Variants in RNF38 observed in about 807,000 individuals in gnomAD.
RNF38 encodes E3 ubiquitin-protein ligase RNF38.
In RNF38, 15 loss-of-function variants were observed where a neutral mutation model predicts 67.2. The observed-to-expected ratio is 0.22, with a 90% CI of 0.15 to 0.34. The LOEUF (loss-of-function observed/expected upper bound fraction) is 0.34. Among genes scored for constraint, RNF38 ranks in the 10% least tolerant of loss-of-function variants. The pLI, the probability that RNF38 is intolerant of heterozygous loss-of-function variation, is 1.00. For synonymous variants in RNF38, 220 were observed against 218.8 expected, an observed-to-expected ratio of 1.01 and a Z score of -0.05; for missense variants, 524 against 639.9, an observed-to-expected ratio of 0.82 and a Z score of 1.95.
chr9:36,456,161 C>T (rs1265269123), intron 1 of RNF38, among the ~76,000 whole-genome samples: 2 of 152,140 alleles, frequency 1.3e-5, no homozygotes, highest in Non-Finnish European at 2.9e-5. Context: ...CCTGCCTCAG[C>T]AATTCTCCTT....
Position 36,364,922 on chromosome 9 carries a change from A to T in RNF38, c.570+4797T>A, listed in dbSNP as rs570557404. On this transcript the variant is annotated intron_variant, in intron 4 of 11. Transcript: ENST00000259605. ...AATAATTGGTCTAGACCTTAAGACCAGGGTGTCAGTGGGCCAATTATTTCT... is the reference window on the plus strand; with the variant it reads ...AATAATTGGTCTAGACCTTAAGACCTGGGTGTCAGTGGGCCAATTATTTCT... 5.9e-5 allele frequency among the ~76,000 whole-genome samples: 9 copies of T among 152,346 alleles called. No individual in the cohort carries two copies. The South Asian group carries it at 1.9e-3, about 32-fold the overall frequency.
At chr9:36,380,263 G>C (rs957426658) in intron 2 of RNF38, among the ~76,000 whole-genome samples, 9 of 152,300 alleles carry the variant, frequency 5.9e-5, no homozygotes, top group African/African-American at 1.9e-4. Flanking sequence ...GCAATGGCAG[G>C]ATCTCGGCTC....
At chr9:36,408,445 A>G (rs1162295373) in intron 2 of RNF38, among the ~76,000 whole-genome samples, 1 of 152,170 alleles carries the variant, frequency 6.6e-6, no homozygotes, top group Non-Finnish European at 1.5e-5. Context: ...TACGCCAAGC[A>G]TCAGGAAGAG....
intron 4 of RNF38, among the ~76,000 whole-genome samples, chr9:36,368,868 A>C (rs1369877924): frequency 6.6e-6 from 1 of 151,908 alleles, no homozygotes; most frequent in East Asian, 1.9e-4. Context: ...TTTTATAAGG[A>C]CATGCTTAGA....
At chr9:36,484,740 G>A (rs1240362514) in intron 1 of RNF38, among the ~76,000 whole-genome samples, 7 of 152,104 alleles carry the variant, frequency 4.6e-5, no homozygotes, top group Non-Finnish European at 1.0e-4. Context: ...TTTTACACAC[G>A]TGAAACGATT....
At chr9:36,452,228 A>C (rs1275418379) in intron 1 of RNF38, among the ~76,000 whole-genome samples, 1 of 151,986 alleles carries the variant, frequency 6.6e-6, no homozygotes, top group Non-Finnish European at 1.5e-5. Flanking sequence ...GATGTCTTTA[A>C]AAAAACTTTA....
intron 1 of RNF38, among the ~76,000 whole-genome samples, chr9:36,441,476 G>A (rs551002004): frequency 3.3e-5 from 5 of 152,004 alleles, no homozygotes; most frequent in South Asian, 2.1e-4. Flanking sequence ...ACAGGCACGC[G>A]CCACCATGCC....
At chr9:36,400,732 C>G, upstream of RNF38, 1 of 985,680 alleles carries the variant, frequency 1.0e-6, no homozygotes, top group Non-Finnish European at 1.2e-6. Context: ...TCCTTCCTCC[C>G]GGCACCATCA....
intron 3 of RNF38, among the ~76,000 whole-genome samples, 176 bp downstream of exon 3, chr9:36,375,757 AT>A (rs1336348901): frequency 6.6e-6 from 1 of 152,222 alleles, no homozygotes; most frequent in Non-Finnish European, 1.5e-5. Flanking sequence ...GATAAGCTAA[AT>A]AAACTCTTCT....
chr9:36,410,009 A>T (rs1366856708), intron 2 of RNF38, among the ~76,000 whole-genome samples: 1 of 152,204 alleles, frequency 6.6e-6, no homozygotes, highest in Non-Finnish European at 1.5e-5. Flanking sequence ...AAATAAAACA[A>T]AATAAACTTA....
chr9:36,462,836 G>A (rs761198808), intron 1 of RNF38, among the ~76,000 whole-genome samples: 1 of 152,044 alleles, frequency 6.6e-6, no homozygotes, highest in Middle Eastern at 3.4e-3. Context: ...CACCACACCT[G>A]GCTAATATTT....
rs1284615949 is a variant in RNF38 at position 36,337,062 on chromosome 9, T to C, written c.*2690A>G. The C allele has an allele frequency of 6.6e-6, 1 of 152,168 alleles. No individual in the cohort carries two copies. The highest frequency in any genetic ancestry group is 1.9e-4 in the East Asian group (1 of 5,202). The allele number at this position is 152,168 out of a possible 1,614,324, so 9.4% of individuals were successfully genotyped here. A position where few individuals can be genotyped will look rare whatever the true frequency, so the allele number is the denominator to read the frequency against. On this transcript the variant is annotated 3_prime_UTR_variant, in exon 12 of 12. Transcript: ENST00000259605. ...CAAAAAACCCACAGCTGAGTTAAGA[T>C]GGTAAAGCCAATATTATTTTAGGAG...
chr9:36,368,857 T>A lies in RNF38; in HGVS notation c.570+862A>T, dbSNP rs78829065. On this transcript the variant is annotated intron_variant, in intron 4 of 11. Transcript: ENST00000259605. ...CCCCCTTATCCTTAAAATCCAGCAATTTTTATAAGGACATGCTTAGACACA... is the reference window on the plus strand; with the variant it reads ...CCCCCTTATCCTTAAAATCCAGCAAATTTTATAAGGACATGCTTAGACACA... Among the ~76,000 whole-genome samples the A allele has an allele frequency of 2.6e-4, 39 of 152,222 alleles. No homozygotes were observed. The East Asian group carries it at 7.0e-3, about 27-fold the overall frequency.
chr9:36,372,473 C>A, intron 3 of RNF38: 3 of 672,776 alleles, frequency 4.5e-6, no homozygotes, highest in South Asian at 1.6e-5. Context: ...TCGTTTTTTT[C>A]AAATACCTAG....
intron 1 of RNF38, among the ~76,000 whole-genome samples, chr9:36,469,233 TAGAG>T (rs1299974331): frequency 2.6e-5 from 4 of 152,256 alleles, no homozygotes; most frequent in East Asian, 1.9e-4. Context: ...CCTTTCTATA[TAGAG>T]AGAGAGACAT....
chr9:36,349,436 T>C (rs1833533917), intron 9 of RNF38, among the ~76,000 whole-genome samples: 1 of 152,224 alleles, frequency 6.6e-6, no homozygotes, highest in Non-Finnish European at 1.5e-5. Flanking sequence ...TTGAGAAATG[T>C]CTATTCAGGT....
At chr9:36,409,461 T>C (rs1254773341) in intron 2 of RNF38, among the ~76,000 whole-genome samples, 1 of 152,146 alleles carries the variant, frequency 6.6e-6, no homozygotes, top group Non-Finnish European at 1.5e-5. Flanking sequence ...ATCACAGTCT[T>C]AAGAAGTTTG....
chr9:36,386,046 C>T (rs145070664), intron 2 of RNF38, among the ~76,000 whole-genome samples: 1 of 152,300 alleles, frequency 6.6e-6, no homozygotes, highest in African/African-American at 2.4e-5. Context: ...CCAGAATAAA[C>T]AAACTTATTT....
chr9:36,403,255 T>G (rs904779254), upstream of RNF38, among the ~76,000 whole-genome samples: 4 of 152,208 alleles, frequency 2.6e-5, no homozygotes, highest in Non-Finnish European at 5.9e-5. Flanking sequence ...AGCTAAAATT[T>G]TATTTGGTGT....
Sources: allele counts gnomAD v4.1 joint callset (sites outside exome capture counted in the v4.1 genomes callset), GRCh38; gene constraint gnomAD v4.1.1; transcripts MANE v1.5; gene names NCBI Gene and HGNC (gene_info 2026-07-23, HGNC 2026-07-21).